Variants in SLC35F1 observed in about 807,000 individuals in gnomAD.
SLC35F1 encodes solute carrier family 35 member F1.
In SLC35F1, 14 loss-of-function variants were observed where a neutral mutation model predicts 48.7. The ratio of observed to expected loss-of-function variants is 0.29; its 90% CI spans 0.19 to 0.45. SLC35F1 has a LOEUF of 0.45. Ranked by LOEUF, SLC35F1 falls within the 20% of genes least tolerant of loss-of-function variation. The pLI is 1.00. For synonymous variants in SLC35F1, 190 were observed against 202.2 expected (o/e 0.94, Z 0.51); for missense variants, 404 against 500.0 (o/e 0.81, Z 1.83).
chr6:118,268,124 C>G (rs1271678299), intron 4 of SLC35F1, among the ~76,000 whole-genome samples: 2 of 152,154 alleles, frequency 1.3e-5, no homozygotes, highest in East Asian at 3.8e-4. Context: ...AACTTTATAA[C>G]TGAAAAGGAC....
chr6:117,972,086 T>G (rs565452345), intron 1 of SLC35F1, among the ~76,000 whole-genome samples: 5 of 152,240 alleles, frequency 3.3e-5, no homozygotes, highest in Admixed American at 3.3e-4. Context: ...TTGAATACTT[T>G]GCTGCTTAGA....
chr6:118,259,235 A>G (rs1775682877), intron 3 of SLC35F1, among the ~76,000 whole-genome samples: 1 of 152,000 alleles, frequency 6.6e-6, no homozygotes. Flanking sequence ...ATAATGTACA[A>G]ATTGATAGGA....
rs184765313 is a variant in SLC35F1 at position 118,170,591 on chromosome 6, C to A, written c.349+15971C>A. On this transcript the variant is annotated intron_variant, in intron 2 of 7. Coordinates refer to ENST00000360388, the MANE Select transcript of SLC35F1 (RefSeq NM_001029858.4). Reference sequence around the variant, plus strand: ...AGTAGCTGGGACTATAGGTGTGCACCACCATGCCCAGCTAATTTTTGTATT... The same window carrying A: ...AGTAGCTGGGACTATAGGTGTGCACAACCATGCCCAGCTAATTTTTGTATT... Among the ~76,000 whole-genome samples, 219 of 152,196 alleles carry A rather than the reference C, an allele frequency of 1.4e-3. 1 individual carries two copies. Among genetic ancestry groups the A allele is most frequent in the Non-Finnish European group, 2.6e-3 (174 of 68,016 alleles).
chr6:118,166,713 G>T (rs1774323498), intron 2 of SLC35F1, among the ~76,000 whole-genome samples: 1 of 152,138 alleles, frequency 6.6e-6, no homozygotes, highest in Non-Finnish European at 1.5e-5. Flanking sequence ...TTACTACATG[G>T]AAACTTATTA....
chr6:117,944,746 TTAAC>T (rs1210998926), intron 1 of SLC35F1, among the ~76,000 whole-genome samples: 3 of 152,200 alleles, frequency 2.0e-5, no homozygotes, highest in Non-Finnish European at 2.9e-5. Flanking sequence ...CAAGAGAAAT[TTAAC>T]TAAACTTTAC....
chr6:118,288,337 T>C (rs112945887), intron 7 of SLC35F1, among the ~76,000 whole-genome samples: 1 of 151,928 alleles, frequency 6.6e-6, no homozygotes, highest in Non-Finnish European at 1.5e-5. Context: ...CCCAAGGAGG[T>C]TGGGGAACAG....
At chr6:118,305,462 C>T (rs1310033908) in intron 7 of SLC35F1, among the ~76,000 whole-genome samples, 1 of 152,120 alleles carries the variant, frequency 6.6e-6, no homozygotes, top group Non-Finnish European at 1.5e-5. Context: ...AAGTCCATCC[C>T]TTTTCAACTT....
At chr6:118,174,587 A>G (rs1223457817) in intron 2 of SLC35F1, among the ~76,000 whole-genome samples, 4 of 152,140 alleles carry the variant, frequency 2.6e-5, no homozygotes, top group Admixed American at 1.3e-4. Context: ...CATGCATGCA[A>G]TTGGACTTCT....
intron 1 of SLC35F1, among the ~76,000 whole-genome samples, chr6:117,922,705 C>T (rs868080732): frequency 1.6e-4 from 24 of 152,182 alleles, no homozygotes; most frequent in Admixed American, 7.2e-4. Context: ...TAGGACAGGT[C>T]TGATTGCAGT....
At chr6:117,910,383 T>C (rs1267570608) in intron 1 of SLC35F1, among the ~76,000 whole-genome samples, 1 of 152,254 alleles carries the variant, frequency 6.6e-6, no homozygotes, top group Non-Finnish European at 1.5e-5. Context: ...TCTTTGTCAA[T>C]TTTCTAAGAA....
intron 1 of SLC35F1, among the ~76,000 whole-genome samples, chr6:118,111,562 G>A (rs2114383414): frequency 6.6e-6 from 1 of 152,194 alleles, no homozygotes; most frequent in South Asian, 2.1e-4. Flanking sequence ...AAAATTTGTT[G>A]ACAATAGACC....
intron 2 of SLC35F1, among the ~76,000 whole-genome samples, chr6:118,207,372 AATATTTGT>A (rs1774948592): frequency 6.6e-6 from 1 of 152,238 alleles, no homozygotes; most frequent in Non-Finnish European, 1.5e-5. Context: ...TTCCTTGCAG[AATATTTGT>A]ATGTAATAAA....
At chr6:117,924,955 G>A (rs1200396076) in intron 1 of SLC35F1, among the ~76,000 whole-genome samples, 1 of 152,096 alleles carries the variant, frequency 6.6e-6, no homozygotes, top group Non-Finnish European at 1.5e-5. Flanking sequence ...TTGAAGAGAA[G>A]CTAGCATCAG....
intron 1 of SLC35F1, among the ~76,000 whole-genome samples, chr6:117,949,969 CAA>C (rs969894958): frequency 1.3e-5 from 2 of 152,152 alleles, no homozygotes; most frequent in Admixed American, 1.3e-4. Flanking sequence ...CCACTCTGGG[CAA>C]AGTCTTACCT....
At chr6:118,114,338 G>A (rs1773448262) in intron 1 of SLC35F1, among the ~76,000 whole-genome samples, 1 of 152,116 alleles carries the variant, frequency 6.6e-6, no homozygotes, top group African/African-American at 2.4e-5. Context: ...GCTCCCAAGT[G>A]AATTACTCCT....
chr6:118,026,793 C>T (rs890840004), intron 1 of SLC35F1, among the ~76,000 whole-genome samples: 2 of 152,054 alleles, frequency 1.3e-5, no homozygotes, highest in African/African-American at 4.8e-5. Context: ...AAAAAGAAGC[C>T]TTGGTTTTTT....
chr6:117,985,239 CTG>C (rs1175327564), intron 1 of SLC35F1, among the ~76,000 whole-genome samples: 1 of 152,164 alleles, frequency 6.6e-6, no homozygotes, highest in Non-Finnish European at 1.5e-5. Context: ...TAGATTGAAA[CTG>C]AGAGGTTGAA....
At chr6:117,996,331 T>C (rs937051672) in intron 1 of SLC35F1, among the ~76,000 whole-genome samples, 1 of 152,214 alleles carries the variant, frequency 6.6e-6, no homozygotes, top group African/African-American at 2.4e-5. Flanking sequence ...GCAGCCAAGG[T>C]GGCCGAATAG....
intron 1 of SLC35F1, among the ~76,000 whole-genome samples, chr6:118,031,688 G>A (rs981028898): frequency 6.6e-5 from 10 of 152,200 alleles, no homozygotes; most frequent in African/African-American, 2.4e-4. Flanking sequence ...GCAGAGTAGG[G>A]CAACCCCATA....
Sources: allele counts gnomAD v4.1 joint callset (sites outside exome capture counted in the v4.1 genomes callset), GRCh38; gene constraint gnomAD v4.1.1; transcripts MANE v1.5; gene names NCBI Gene and HGNC (gene_info 2026-07-23, HGNC 2026-07-21).